Variants in ZNF567 observed in about 807,000 individuals in gnomAD.
The protein encoded by ZNF567 is zinc finger protein 567.
In ZNF567, 36 loss-of-function variants were observed where a neutral mutation model predicts 53.9. The ratio of observed to expected loss-of-function variants is 0.67; its 90% CI spans 0.51 to 0.88. The LOEUF (loss-of-function observed/expected upper bound fraction) is 0.88, where lower values mean the gene tolerates loss of function less well. Ranked by LOEUF, ZNF567 falls within the 40% of genes least tolerant of loss-of-function variation. The pLI, the probability that ZNF567 is intolerant of heterozygous loss-of-function variation, is 0.00. For missense variants in ZNF567, 619 were observed against 764.7 expected, an observed-to-expected ratio of 0.81 and a Z score of 2.25; for synonymous variants, 224 against 260.4, an observed-to-expected ratio of 0.86 and a Z score of 1.35.
At chr19:36,727,014 T>TC (rs2040338264), downstream of ZNF567, 7 of 23,330 alleles carry the variant, frequency 3.0e-4, no homozygotes, top group Admixed American at 4.6e-4. Flanking sequence ...TTCTTTCCTT[T>TC]TTTTTTTTCC....
In ZNF567 at chr19:36,719,954, A is replaced by G. The variant is rs1268346882; in HGVS notation, c.1230A>G (p.Val410=). The G allele has an allele frequency of 1.2e-6, 2 of 1,614,096 alleles. No individual in the cohort carries two copies. Among genetic ancestry groups the G allele is most frequent in the Non-Finnish European group, 1.7e-6 (2 of 1,180,014 alleles). Residue 410 remains valine (V), a synonymous_variant, in exon 6 of 6, where the codon GTA becomes GTG. Transcript: ENST00000682579. The part of the protein sequence containing the change: ...KSFHQKANLT[V]HQRTHTGEKP... The stretch of plus-strand genomic sequence containing the variant: ...TTCACCAGAAGGCAAATCTTACTGT[A>G]CATCAGAGAACTCATACAGGGGAAA...
Position 36,719,837 on chromosome 19 carries a change from G to A in ZNF567, c.1113G>A (p.Gly371=), listed in dbSNP as rs747615011. The A allele has an allele frequency of 6.2e-7, 1 of 1,613,426 alleles. No individual in the cohort carries two copies. The highest frequency in any genetic ancestry group is 8.5e-7 in the Non-Finnish European group (1 of 1,179,820). The change falls in exon 6 of 6, where the codon GGG becomes GGA. Residue 371 remains glycine, a synonymous_variant. Coordinates refer to ENST00000682579, the MANE Select transcript of ZNF567 (RefSeq NM_001322917.1). ...AACCATATGAGTGTAATGACTGTGG[G>A]AAGTCCTTCCGCCAGAAGACAACAC... ...GEKPYECNDC[G]KSFRQKTTLS...
chr19:36,670,565 G>A, the ZNF567 span, among the ~76,000 whole-genome samples: 1 of 152,150 alleles, frequency 6.6e-6, no homozygotes, highest in Non-Finnish European at 1.5e-5. Context: ...TGTAGCTGCT[G>A]TACCAAATGT....
Position 36,715,454 on chromosome 19 carries a change from C to A in ZNF567, c.223+2587C>A, listed in dbSNP as rs893464809. 2.2e-4 allele frequency among the ~76,000 whole-genome samples: 33 copies of A among 147,146 alleles called. No homozygotes were observed. The South Asian group carries it at 3.0e-3, about 13-fold the overall frequency. ...CAGATTACAGGCATGAGCCACCGTG[C>A]CTGGCCTCCCATTATTTAACTCAAA... On this transcript the variant is annotated intron_variant, in intron 5 of 5. Coordinates refer to ENST00000682579, the MANE Select transcript of ZNF567 (RefSeq NM_001322917.1).
At chr19:36,714,953 C>A (rs1332019811) in intron 5 of ZNF567, among the ~76,000 whole-genome samples, 4 of 152,086 alleles carry the variant, frequency 2.6e-5, no homozygotes, top group Admixed American at 6.6e-5. Flanking sequence ...ATCTACCTTT[C>A]AATTATAATG....
chr19:36,674,744 T>C, the ZNF567 span, among the ~76,000 whole-genome samples: 1 of 152,128 alleles, frequency 6.6e-6, no homozygotes, highest in Non-Finnish European at 1.5e-5. Context: ...GCTGTAAATC[T>C]AAAGACTTCT....
At chr19:36,693,936 C>T (rs1242936488) in intron 2 of ZNF567, among the ~76,000 whole-genome samples, 1 of 152,182 alleles carries the variant, frequency 6.6e-6, no homozygotes, top group African/African-American at 2.4e-5. Context: ...CAATGGCTTA[C>T]GCCTGTAATC....
intron 2 of ZNF567, among the ~76,000 whole-genome samples, chr19:36,690,019 T>C (rs1353489665): frequency 6.6e-6 from 1 of 152,252 alleles, no homozygotes; most frequent in African/African-American, 2.4e-5. Flanking sequence ...TGTTCTTGAA[T>C]GAAGTTCTCT....
Position 36,719,400 on chromosome 19 carries a change from A to T in ZNF567, c.676A>T (p.Ile226Phe). ...ATCATTCCTTCAAAGGGGAGGCCTG[A>T]TTACACATAGTAGACCTTACAAAGG... ...EKSFLQRGGL[I>F]THSRPYKGEN... Residue 226 changes from isoleucine (I) to phenylalanine (F), a missense_variant, in exon 6 of 6, where the codon ATT becomes TTT. Transcript: ENST00000682579. 1 of 1,613,960 alleles carries T rather than the reference A, an allele frequency of 6.2e-7. No homozygotes were observed. Among genetic ancestry groups the T allele is most frequent in the Non-Finnish European group, 8.5e-7 (1 of 1,179,998 alleles).
chr19:36,675,936 C>T, the ZNF567 span, among the ~76,000 whole-genome samples: 1 of 151,490 alleles, frequency 6.6e-6, no homozygotes, highest in Non-Finnish European at 1.5e-5. Flanking sequence ...TGTATATGTA[C>T]ATGTATCTGT....
Position 36,720,786 on chromosome 19 carries a change from A to G in ZNF567, c.*118A>G. On this transcript the variant is annotated 3_prime_UTR_variant, in exon 6 of 6. Coordinates refer to ENST00000682579, the MANE Select transcript of ZNF567 (RefSeq NM_001322917.1). ...AAATCACAAGTCTAATAATTATTAA[A>G]GTACCATACGGAATAACTGTCTACT... is the stretch of plus-strand genomic sequence containing the variant. 1.1e-6 allele frequency: 1 copy of G among 903,492 alleles called. No homozygotes were observed. Among genetic ancestry groups the G allele is most frequent in the South Asian group, 2.4e-5 (1 of 41,350 alleles). 56.0% of individuals were successfully genotyped at this position (903,492 alleles called of 1,614,324 possible). A position where few individuals can be genotyped will look rare whatever the true frequency, so the allele number is the denominator to read the frequency against.
At chr19:36,685,189 G>A (rs944705783), upstream of ZNF567, among the ~76,000 whole-genome samples, 1 of 152,186 alleles carries the variant, frequency 6.6e-6, no homozygotes, top group Non-Finnish European at 1.5e-5. Context: ...TCGGAAGGCT[G>A]AGGCAGGAGA....
upstream of ZNF567, among the ~76,000 whole-genome samples, chr19:36,683,832 A>AAAC (rs2145475084): frequency 6.6e-6 from 1 of 152,096 alleles, no homozygotes; most frequent in Non-Finnish European, 1.5e-5. Context: ...ACTCTGTCTC[A>AAAC]AATAATAATA....
At chr19:36,670,879 A>G in the ZNF567 span, among the ~76,000 whole-genome samples, 2 of 152,136 alleles carry the variant, frequency 1.3e-5, no homozygotes, top group Non-Finnish European at 2.9e-5. Flanking sequence ...AGGCATGTGG[A>G]TCATCTGAGG....
At chr19:36,715,153 T>C (rs2039978316) in intron 5 of ZNF567, among the ~76,000 whole-genome samples, 1 of 151,706 alleles carries the variant, frequency 6.6e-6, no homozygotes, top group African/African-American at 2.4e-5. Context: ...TTTTCCCCAC[T>C]ATTTATTTAT....
At chr19:36,699,304 A>G (rs2039052722) in intron 3 of ZNF567, among the ~76,000 whole-genome samples, 1 of 152,192 alleles carries the variant, frequency 6.6e-6, no homozygotes, top group Admixed American at 6.5e-5. Context: ...TACCAGTACC[A>G]TGCTGTTTTA....
At chr19:36,667,910 A>G in the ZNF567 span, among the ~76,000 whole-genome samples, 1 of 150,914 alleles carries the variant, frequency 6.6e-6, no homozygotes, top group African/African-American at 2.4e-5. Context: ...CGGCCTCCCA[A>G]AGTGCTGGAT....
At chr19:36,710,620 C>T (rs955959627) in intron 3 of ZNF567, among the ~76,000 whole-genome samples, 1 of 152,104 alleles carries the variant, frequency 6.6e-6, no homozygotes, top group African/African-American at 2.4e-5. Flanking sequence ...GCCTTTTACC[C>T]TAACCTCCTG....
downstream of ZNF567, chr19:36,723,198 A>T: frequency 1.4e-6 from 1 of 702,894 alleles, no homozygotes; most frequent in Non-Finnish European, 2.6e-6. Context: ...GGTGGAGAGG[A>T]TGGCCTAACT....
Sources: allele counts gnomAD v4.1 joint callset (sites outside exome capture counted in the v4.1 genomes callset), GRCh38; gene constraint gnomAD v4.1.1; transcripts MANE v1.5; gene names NCBI Gene and HGNC (gene_info 2026-07-23, HGNC 2026-07-21).